Variants in APBA2 observed in about 807,000 individuals in gnomAD.
APBA2 encodes the protein amyloid beta precursor protein binding family A member 2.
In APBA2, 30 loss-of-function variants were observed where a neutral mutation model predicts 75.0. That is an observed-to-expected ratio of 0.40 (90% CI 0.30 to 0.54). The LOEUF (loss-of-function observed/expected upper bound fraction) is 0.54. Ranked by LOEUF, APBA2 falls within the 20% of genes least tolerant of loss-of-function variation. The probability of loss-of-function intolerance (pLI) is 0.49; values close to 1 mark genes in which losing one functional copy is unlikely to be tolerated. For synonymous variants in APBA2, 444 were observed against 409.6 expected (o/e 1.08, Z -1.01); for missense variants, 801 against 1,016.1 (o/e 0.79, Z 2.88).
intron 2 of APBA2, among the ~76,000 whole-genome samples, chr15:28,934,870 C>T (rs1018005885): frequency 7.9e-5 from 12 of 152,178 alleles, no homozygotes; most frequent in Non-Finnish European, 1.2e-4. Context: ...GTCAGGAGAG[C>T]AGGTGGGAAG....
intron 2 of APBA2, among the ~76,000 whole-genome samples, chr15:28,962,386 A>G (rs868020869): frequency 1.3e-5 from 2 of 152,030 alleles, no homozygotes; most frequent in Admixed American, 6.6e-5. Flanking sequence ...CCTGGCCAAC[A>G]TGGTGAAACC....
intron 3 of APBA2, among the ~76,000 whole-genome samples, chr15:29,001,752 T>C (rs1324178583): frequency 6.6e-6 from 1 of 152,222 alleles, no homozygotes; most frequent in Non-Finnish European, 1.5e-5. Flanking sequence ...TGACACCCAG[T>C]TCTTTTTTGT....
intron 1 of APBA2, among the ~76,000 whole-genome samples, chr15:28,891,625 T>G (rs559807675): frequency 2.4e-4 from 37 of 152,330 alleles, no homozygotes; most frequent in African/African-American, 8.4e-4. Flanking sequence ...CGTTTTGCAC[T>G]TGAAGCCAAC....
At chr15:29,020,732 C>T (rs551361340) in intron 3 of APBA2, among the ~76,000 whole-genome samples, 1 of 152,202 alleles carries the variant, frequency 6.6e-6, no homozygotes, top group East Asian at 1.9e-4. Flanking sequence ...ATTGCTTGAA[C>T]CCGGGAGGCA....
intron 6 of APBA2, among the ~76,000 whole-genome samples, chr15:29,091,885 C>T (rs966381376): frequency 6.6e-6 from 1 of 152,012 alleles, no homozygotes; most frequent in African/African-American, 2.4e-5. Flanking sequence ...TGGAGGGACT[C>T]AGGGAGGGGC....
chr15:28,934,415 C>A (rs1290075381), intron 2 of APBA2, among the ~76,000 whole-genome samples: 2 of 152,100 alleles, frequency 1.3e-5, no homozygotes, highest in Non-Finnish European at 2.9e-5. Context: ...ACCTTGTTGT[C>A]AAGGTCTGGC....
At chr15:29,045,937 T>C (rs2041304775) in intron 3 of APBA2, among the ~76,000 whole-genome samples, 1 of 152,208 alleles carries the variant, frequency 6.6e-6, no homozygotes, top group Non-Finnish European at 1.5e-5. Flanking sequence ...GGCTCTCTCC[T>C]GCCCTCCTAC....
At chr15:28,927,164 C>A (rs557927647) in intron 2 of APBA2, among the ~76,000 whole-genome samples, 10 of 151,862 alleles carry the variant, frequency 6.6e-5, no homozygotes, top group Non-Finnish European at 7.4e-5. Context: ...GGCCTATCCA[C>A]CCTCTTCTTC....
At chr15:28,901,628 G>C (rs2032859673) in intron 1 of APBA2, among the ~76,000 whole-genome samples, 1 of 152,072 alleles carries the variant, frequency 6.6e-6, no homozygotes, top group Non-Finnish European at 1.5e-5. Context: ...CCTGGGGGAG[G>C]GTTGAGTGGT....
At chr15:29,115,008 G>C (rs2045003163) in intron 14 of APBA2, among the ~76,000 whole-genome samples, 1 of 149,138 alleles carries the variant, frequency 6.7e-6, no homozygotes, top group Non-Finnish European at 1.5e-5. Flanking sequence ...GGGTGTGTCT[G>C]TGTGTGTGTA....
chr15:28,982,057 G>A (rs768045846), intron 2 of APBA2, among the ~76,000 whole-genome samples: 1 of 152,204 alleles, frequency 6.6e-6, no homozygotes, highest in Non-Finnish European at 1.5e-5. Flanking sequence ...TACTGTGCTT[G>A]TTACCTGGAT....
At chr15:29,005,121 C>T (rs1159024909) in intron 3 of APBA2, among the ~76,000 whole-genome samples, 5 of 152,220 alleles carry the variant, frequency 3.3e-5, no homozygotes, top group Middle Eastern at 6.8e-3. Flanking sequence ...AGATAGGGGC[C>T]GAAATTAAGC....
chr15:28,989,921 T>C (rs2038130620), intron 2 of APBA2, among the ~76,000 whole-genome samples: 1 of 152,184 alleles, frequency 6.6e-6, no homozygotes. Flanking sequence ...AGTGTCACAC[T>C]GTTCCCTGAT....
At chr15:29,010,787 A>G (rs933387967) in intron 3 of APBA2, among the ~76,000 whole-genome samples, 11 of 152,174 alleles carry the variant, frequency 7.2e-5, no homozygotes, top group African/African-American at 2.2e-4. Flanking sequence ...GTTTTCTAAT[A>G]TATGATTTTA....
chr15:28,994,283 C>A (rs925581240), intron 2 of APBA2, among the ~76,000 whole-genome samples: 1 of 152,138 alleles, frequency 6.6e-6, no homozygotes, highest in African/African-American at 2.4e-5. Flanking sequence ...GACGTTCACA[C>A]AGGAAGCAAG....
At chr15:29,012,192 C>T (rs1294511304) in intron 3 of APBA2, among the ~76,000 whole-genome samples, 5 of 152,138 alleles carry the variant, frequency 3.3e-5, no homozygotes, top group Non-Finnish European at 7.3e-5. Flanking sequence ...TGTCCTTTTG[C>T]TGTTCCAGGA....
At chr15:28,947,598 G>C (rs1328466923) in intron 2 of APBA2, among the ~76,000 whole-genome samples, 1 of 152,162 alleles carries the variant, frequency 6.6e-6, no homozygotes, top group East Asian at 1.9e-4. Context: ...ACTGGAATCT[G>C]TGACATGAGA....
At chr15:29,036,032 C>T (rs1411509485) in intron 3 of APBA2, among the ~76,000 whole-genome samples, 1 of 152,122 alleles carries the variant, frequency 6.6e-6, no homozygotes, top group Non-Finnish European at 1.5e-5. Flanking sequence ...CTTACCTGGC[C>T]CTGGCTGTGC....
rs930614687 is a variant in APBA2 at position 29,117,494 on chromosome 15, C to T, written c.*361C>T. 7 of 290,960 alleles carry T rather than the reference C, an allele frequency of 2.4e-5. No individual in the cohort carries two copies. The East Asian group carries it at 2.7e-4, about 11-fold the overall frequency. 18.0% of individuals were successfully genotyped at this position (290,960 alleles called of 1,614,324 possible). A position where few individuals can be genotyped will look rare whatever the true frequency, so the allele number is the denominator to read the frequency against. On this transcript the variant is annotated 3_prime_UTR_variant, in exon 15 of 15. Transcript: ENST00000683413. ...GGAGCGAACTGGCGCCTCCGAGGGA[C>T]GCGGCTCCCGGGGCAGGGCAGCCGT...
Sources: gnomAD v4.1 joint callset for allele counts (sites outside exome capture counted in the v4.1 genomes callset) on GRCh38, gnomAD v4.1.1 for gene constraint, MANE v1.5 for transcripts, NCBI Gene and HGNC (gene_info 2026-07-23, HGNC 2026-07-21) for gene names.